The following PPP2R2B variants were observed in gnomAD, a reference collection of about 807,000 sequenced individuals.
PPP2R2B encodes serine/threonine-protein phosphatase 2A 55 kDa regulatory subunit B beta isoform.
In PPP2R2B, 5 loss-of-function variants were observed where a neutral mutation model predicts 46.0. The ratio of observed to expected loss-of-function variants is 0.11; its 90% CI spans 0.06 to 0.23. The LOEUF is 0.23. Ranked by LOEUF, PPP2R2B falls within the 10% of genes least tolerant of loss-of-function variation. PPP2R2B has a pLI of 1.00. For missense variants in PPP2R2B, 367 were observed against 575.0 expected (o/e 0.64, Z 3.70); for synonymous variants, 215 against 206.7 (o/e 1.04, Z -0.34).
intron 1 of PPP2R2B, among the ~76,000 whole-genome samples, chr5:146,894,294 A>G (rs1313000745): frequency 2.0e-5 from 3 of 152,180 alleles, no homozygotes; most frequent in African/African-American, 7.2e-5. Context: ...CCTTAATACA[A>G]TGTAACAGAT....
Position 146,959,414 on chromosome 5 carries a change from T to C in PPP2R2B, c.79+96251A>G, listed in dbSNP as rs571598684. On this transcript the variant is annotated intron_variant, in intron 1 of 8. Coordinates refer to the PPP2R2B transcript ENST00000336640. ...GGAAACAGTGATTGTAGTATAGGTA[T>C]CAAGTGCTATGATTAATTGGGAGCT... 1.1e-4 allele frequency among the ~76,000 whole-genome samples: 16 copies of C among 152,270 alleles called. No homozygotes were observed. The South Asian group carries it at 3.3e-3, about 32-fold the overall frequency.
chr5:146,593,167 T>C (rs1157865251), intron 8 of PPP2R2B, 105 bp from the exon 9 acceptor site: 8 of 1,002,892 alleles, frequency 8.0e-6, no homozygotes, highest in South Asian at 2.7e-5. Context: ...TCATTGTACA[T>C]GCTCTTTGAA....
intron 1 of PPP2R2B, among the ~76,000 whole-genome samples, chr5:146,958,344 C>T (rs867830685): frequency 2.0e-5 from 3 of 152,090 alleles, no homozygotes; most frequent in African/African-American, 7.2e-5. Flanking sequence ...CTTTCCATTC[C>T]ATTTTTGAAG....
chr5:146,778,990 T>C (rs1755348378), intron 2 of PPP2R2B, among the ~76,000 whole-genome samples: 1 of 152,154 alleles, frequency 6.6e-6, no homozygotes, highest in Non-Finnish European at 1.5e-5. Flanking sequence ...GGATCCAGTG[T>C]GGGGCAGGAC....
At chr5:146,930,720 T>A (rs970433956) in intron 1 of PPP2R2B, among the ~76,000 whole-genome samples, 1 of 152,220 alleles carries the variant, frequency 6.6e-6, no homozygotes. Context: ...CTGGGACTCA[T>A]TGACATTGTG....
intron 1 of PPP2R2B, among the ~76,000 whole-genome samples, chr5:146,995,486 T>C (rs186017937): frequency 1.3e-5 from 2 of 152,308 alleles, no homozygotes. Context: ...CGTGCAGGTT[T>C]GAATTCAGGA....
intron 1 of PPP2R2B, among the ~76,000 whole-genome samples, chr5:147,018,458 T>G (rs192142557): frequency 6.6e-6 from 1 of 152,154 alleles, no homozygotes; most frequent in South Asian, 2.1e-4. Context: ...AAAGATCTCA[T>G]TTTTTATATA....
chr5:146,934,582 A>T (rs1764078614), intron 1 of PPP2R2B, among the ~76,000 whole-genome samples: 1 of 135,020 alleles, frequency 7.4e-6, no homozygotes, highest in African/African-American at 2.9e-5. Flanking sequence ...GTTTTTCATA[A>T]GAAAAAAAAA....
intron 5 of PPP2R2B, 65 bp downstream of exon 5, chr5:146,691,063 G>T: frequency 1.4e-6 from 2 of 1,420,190 alleles, no homozygotes; most frequent in Non-Finnish European, 2.0e-6. Context: ...GTAACAACCA[G>T]CACATGGCCA....
rs761870872 is a variant in PPP2R2B at position 146,589,927 on chromosome 5, T to TTAAG, written c.*16_*19dup. ...GACTAGTATTCAGTATGTGAGATTATTAAGTAATAACTTGTCCACCTAGTT... is the reference window on the plus strand; with the variant it reads ...GACTAGTATTCAGTATGTGAGATTATTAAGTAAGTAATAACTTGTCCACCTAGTT... On this transcript the variant is annotated 3_prime_UTR_variant, in exon 10 of 10. Transcript: ENST00000394411. 2.4e-5 allele frequency: 38 copies of TTAAG among 1,604,720 alleles called. No individual in the cohort carries two copies. The highest frequency in any genetic ancestry group is 6.7e-5 in the Admixed American group (4 of 59,804).
chr5:146,926,372 TTTTATTTA>T (rs967978590), intron 1 of PPP2R2B, among the ~76,000 whole-genome samples: 2 of 151,984 alleles, frequency 1.3e-5, no homozygotes, highest in Non-Finnish European at 2.9e-5. Context: ...ACATTCCTGA[TTTTATTTA>T]TTTATTTATT....
chr5:146,688,986 GC>G (rs1465357906), intron 5 of PPP2R2B, among the ~76,000 whole-genome samples: 1 of 152,104 alleles, frequency 6.6e-6, no homozygotes, highest in Non-Finnish European at 1.5e-5. Context: ...TACGGTGTTT[GC>G]CACTTAGTAA....
chr5:146,804,546 T>G (rs1470314332), intron 2 of PPP2R2B, among the ~76,000 whole-genome samples: 1 of 152,206 alleles, frequency 6.6e-6, no homozygotes, highest in African/African-American at 2.4e-5. Context: ...GCCAGGGTTG[T>G]GACTTGTCAC....
intron 1 of PPP2R2B, among the ~76,000 whole-genome samples, chr5:146,999,592 C>T (rs906885932): frequency 1.3e-5 from 2 of 152,140 alleles, no homozygotes; most frequent in Non-Finnish European, 2.9e-5. Context: ...CTCAGGGGAC[C>T]TTATGTGGCT....
At chr5:146,743,415 C>T (rs926901575) in intron 2 of PPP2R2B, among the ~76,000 whole-genome samples, 24 of 152,136 alleles carry the variant, frequency 1.6e-4, no homozygotes, top group Non-Finnish European at 3.2e-4. Context: ...ATTCAGCACT[C>T]CCTTCACTTG....
At chr5:146,995,635 A>C (rs1753890819) in intron 1 of PPP2R2B, among the ~76,000 whole-genome samples, 1 of 152,210 alleles carries the variant, frequency 6.6e-6, no homozygotes, top group African/African-American at 2.4e-5. Flanking sequence ...TTGCTACTAC[A>C]TGCCAGGATT....
At chr5:146,875,330 TA>T (rs906087360) in intron 2 of PPP2R2B, among the ~76,000 whole-genome samples, 4 of 151,914 alleles carry the variant, frequency 2.6e-5, no homozygotes, top group Non-Finnish European at 4.4e-5. Context: ...TGCTCAGAAT[TA>T]AAAAAAAGTC....
At chr5:146,632,072 C>T (rs527288118) in intron 7 of PPP2R2B, among the ~76,000 whole-genome samples, 10 of 133,842 alleles carry the variant, frequency 7.5e-5, no homozygotes, top group South Asian at 3.0e-4. Context: ...CCCCCCCCCC[C>T]GCCCATTCAT....
chr5:146,615,515 T>TAAAAAAAAAAAAAAAAAAAAAAA (rs1364774106), intron 7 of PPP2R2B, among the ~76,000 whole-genome samples: 24 of 70,960 alleles, frequency 3.4e-4, no homozygotes, highest in East Asian at 4.3e-4. Context: ...AAAAAAAAAT[T>TAAAAAAAAAAAAAAAAAAAAAAA]AAAAAAAAAA....
Sources: gnomAD v4.1 joint callset for allele counts (sites outside exome capture counted in the v4.1 genomes callset) on GRCh38, gnomAD v4.1.1 for gene constraint, MANE v1.5 for transcripts, NCBI Gene and HGNC (gene_info 2026-07-23, HGNC 2026-07-21) for gene names.